Variants in KSR1 observed in about 807,000 individuals in gnomAD.
KSR1 encodes the protein kinase suppressor of ras 1, also known as kinase suppressor of ras.
In KSR1, 35 loss-of-function variants were observed where a neutral mutation model predicts 92.9. The observed-to-expected ratio is 0.38, with a 90% CI of 0.29 to 0.50. KSR1 has a LOEUF of 0.50. Ranked by LOEUF, KSR1 falls within the 20% of genes least tolerant of loss-of-function variation. The pLI, the probability that KSR1 is intolerant of heterozygous loss-of-function variation, is 0.94. For synonymous variants in KSR1, 467 were observed against 472.6 expected, an observed-to-expected ratio of 0.99 and a Z score of 0.15; for missense variants, 972 against 1,158.5, an observed-to-expected ratio of 0.84 and a Z score of 2.34.
chr17:27,553,429 C>T lies in KSR1; in HGVS notation c.372+2721C>T, dbSNP rs543481645. On this transcript the variant is annotated intron_variant, in intron 2 of 20. Transcript: ENST00000644974. ...GCGGGAGTCAGCCCAGAGCTTAGGA[C>T]AGAGAGGGCGGCACACCAGCCTGAC... 1.3e-5 allele frequency among the ~76,000 whole-genome samples: 2 copies of T among 152,200 alleles called. 1 individual carries two copies. The highest frequency in any genetic ancestry group is 2.9e-5 in the Non-Finnish European group (2 of 68,030).
At chr17:27,544,458 G>A (rs182718630) in intron 1 of KSR1, among the ~76,000 whole-genome samples, 4 of 152,172 alleles carry the variant, frequency 2.6e-5, no homozygotes, top group Non-Finnish European at 5.9e-5. Context: ...GAGCTCCTTC[G>A]GCCCCAGATA....
chr17:27,464,369 C>T (rs1365926300), intron 1 of KSR1, among the ~76,000 whole-genome samples: 1 of 152,150 alleles, frequency 6.6e-6, no homozygotes, highest in Non-Finnish European at 1.5e-5. Flanking sequence ...AAGGGCTTCT[C>T]ATCCTTGCAC....
At chr17:27,504,849 A>G (rs994407436) in intron 1 of KSR1, among the ~76,000 whole-genome samples, 1 of 152,210 alleles carries the variant, frequency 6.6e-6, no homozygotes, top group African/African-American at 2.4e-5. Context: ...GAGCCGGCTT[A>G]TCCTGGCCCA....
intron 3 of KSR1, among the ~76,000 whole-genome samples, chr17:27,581,475 A>G (rs1278158311): frequency 6.6e-6 from 1 of 152,058 alleles, no homozygotes; most frequent in Admixed American, 6.5e-5. Context: ...CGTAGTGACC[A>G]GAAGGTGCCG....
At chr17:27,571,247 G>T (rs775742427) in intron 2 of KSR1, among the ~76,000 whole-genome samples, 1 of 152,214 alleles carries the variant, frequency 6.6e-6, no homozygotes, top group Non-Finnish European at 1.5e-5. Context: ...GCTGATTTCT[G>T]TGGAAGCCCC....
chr17:27,571,866 G>T (rs2072322993), intron 2 of KSR1, among the ~76,000 whole-genome samples: 1 of 152,240 alleles, frequency 6.6e-6, no homozygotes. Flanking sequence ...CACAGGGAGT[G>T]TGGCGCCTCT....
intron 1 of KSR1, among the ~76,000 whole-genome samples, chr17:27,533,010 T>C (rs1014008056): frequency 4.6e-5 from 7 of 152,192 alleles, no homozygotes; most frequent in African/African-American, 1.7e-4. Flanking sequence ...AGTCCTTTTT[T>C]ATAAATGAGA....
At chr17:27,485,808 C>A (rs564793094) in intron 1 of KSR1, among the ~76,000 whole-genome samples, 11 of 152,210 alleles carry the variant, frequency 7.2e-5, no homozygotes, top group Admixed American at 7.2e-4. Flanking sequence ...GGCTCTGTAA[C>A]CTTGGATGAG....
At chr17:27,621,377 T>TCTCC (rs2074219065) in intron 20 of KSR1, 104 bp downstream of exon 20, 1 of 396,784 alleles carries the variant, frequency 2.5e-6, no homozygotes, top group Non-Finnish European at 4.4e-6. Flanking sequence ...CATCTTTGTG[T>TCTCC]CATTTATTCT....
Position 27,583,082 on chromosome 17 carries a change from C to T in KSR1, c.957C>T (p.Arg319=). ...CCCATGAGTCTCAGCTGGGGAACCG[C>T]ATTGATGACGTCTCCTCGATGAGGT... ...SKSHESQLGN[R]IDDVSSMRFD... is the part of the protein sequence containing the mutation. The change falls in exon 4 of 21, where the codon CGC becomes CGT. Residue 319 remains arginine (R), a synonymous_variant. Transcript: ENST00000644974. The T allele has an allele frequency of 1.3e-6, 2 of 1,578,666 alleles. No homozygotes were observed.
rs2071750694 is a variant in KSR1 at position 27,559,864 on chromosome 17, G to A, written c.372+9156G>A. Among the ~76,000 whole-genome samples, 3 of 152,234 alleles carry A rather than the reference G, an allele frequency of 2.0e-5. No homozygotes were observed. Among genetic ancestry groups the A allele is most frequent in the African/African-American group, 4.8e-5 (2 of 41,454 alleles). On this transcript the variant is annotated intron_variant, in intron 2 of 20. Transcript: ENST00000644974. This position sits in a 1 kb window ranked among gnomAD's most constrained non-coding sequence, Gnocchi z 4.2. ...TCTGTGAGGAGGCTGGCGGGGAGCC[G>A]GGGTGGATTCCTGCAGCTCTCCCTG...
At chr17:27,561,618 A>G (rs2071832487) in intron 2 of KSR1, among the ~76,000 whole-genome samples, 1 of 152,220 alleles carries the variant, frequency 6.6e-6, no homozygotes, top group South Asian at 2.1e-4. Context: ...CTCAGTGTGT[A>G]TTTAGCACCT....
At chr17:27,556,352 T>C (rs917673669) in intron 2 of KSR1, among the ~76,000 whole-genome samples, 27 of 152,234 alleles carry the variant, frequency 1.8e-4, no homozygotes, top group African/African-American at 6.3e-4. Flanking sequence ...TAGCTGGGAC[T>C]GCAGATGTGC....
Position 27,577,867 on chromosome 17 carries a change from G to A in KSR1, c.520+228G>A, listed in dbSNP as rs2072579701. 1 of 672,768 alleles carries A rather than the reference G, an allele frequency of 1.5e-6. No individual in the cohort carries two copies. Among genetic ancestry groups the A allele is most frequent in the South Asian group, 1.6e-5 (1 of 63,372 alleles). The allele number at this position is 672,768 out of a possible 1,614,324, so 41.7% of individuals were successfully genotyped here. A position where few individuals can be genotyped will look rare whatever the true frequency, so the allele number is the denominator to read the frequency against. On this transcript the variant is annotated intron_variant, in intron 3 of 20. Transcript: ENST00000644974. This position sits in a 1 kb window ranked among gnomAD's most constrained non-coding sequence, Gnocchi z 4.5. ...CCGAATCTGAGGGGTTTCAGCCATG[G>A]TTAGAAATCCCAGGCCTGTCTGCTG...
At position 27,559,636 on chromosome 17, in the gene KSR1, G is replaced by A. The variant is rs901367249; in HGVS notation, c.372+8928G>A. 1.3e-5 allele frequency among the ~76,000 whole-genome samples: 2 copies of A among 152,284 alleles called. No homozygotes were observed. The highest frequency in any genetic ancestry group is 6.5e-5 in the Admixed American group (1 of 15,288). On this transcript the variant is annotated intron_variant, in intron 2 of 20. Transcript: ENST00000644974. This position sits in a 1 kb window ranked among gnomAD's most constrained non-coding sequence, Gnocchi z 4.2. Reference sequence around the variant, plus strand: ...CCTCTGCCCCAGGAGCACACAGACTGGGGTGAAACAGGAAGTGAGAGCCCC... The same window carrying A: ...CCTCTGCCCCAGGAGCACACAGACTAGGGTGAAACAGGAAGTGAGAGCCCC...
At chr17:27,584,526 C>A (rs2072897239) in intron 4 of KSR1, among the ~76,000 whole-genome samples, 1 of 152,212 alleles carries the variant, frequency 6.6e-6, no homozygotes, top group South Asian at 2.1e-4. Context: ...TCAGAGGAGG[C>A]CTCACAGTGG....
Position 27,592,344 on chromosome 17 carries a change from C to T in KSR1, c.1131-17C>T. 2 of 1,612,936 alleles carry T rather than the reference C, an allele frequency of 1.2e-6. No homozygotes were observed. Among genetic ancestry groups the T allele is most frequent in the Non-Finnish European group, 1.7e-6 (2 of 1,178,994 alleles). On this transcript the variant is annotated splice_polypyrimidine_tract_variant and intron_variant, in intron 7 of 20. Coordinates refer to ENST00000644974, the MANE Select transcript of KSR1 (RefSeq NM_001394583.1). ...CCCATGTGGTGCTTTGCACACCAAC[C>T]TCCCCTTCTTTACCAGGTTGAAGTG... is the stretch of plus-strand genomic sequence containing the variant.
intron 1 of KSR1, among the ~76,000 whole-genome samples, chr17:27,479,987 T>C (rs2068464252): frequency 6.6e-6 from 1 of 152,126 alleles, no homozygotes; most frequent in African/African-American, 2.4e-5. Flanking sequence ...AAATAGGAAT[T>C]CTTGGTGACA....
Position 27,624,968 on chromosome 17 carries a change from C to T in KSR1, c.*1576C>T, listed in dbSNP as rs929520866. ...TCAGCCCCTCCTGGGAGGGCACAGC[C>T]GTATTACAGTGCCAGTGTGCCTGGC... On this transcript the variant is annotated 3_prime_UTR_variant, in exon 21 of 21. Coordinates refer to ENST00000644974, the MANE Select transcript of KSR1 (RefSeq NM_001394583.1). 2 of 152,302 alleles carry T rather than the reference C, an allele frequency of 1.3e-5. No individual in the cohort carries two copies. The highest frequency in any genetic ancestry group is 6.5e-5 in the Admixed American group (1 of 15,284). The allele number at this position is 152,302 out of a possible 1,614,324, so 9.4% of individuals were successfully genotyped here. A position where few individuals can be genotyped will look rare whatever the true frequency, so the allele number is the denominator to read the frequency against.
Sources: allele counts gnomAD v4.1 joint callset (sites outside exome capture counted in the v4.1 genomes callset), GRCh38; gene constraint gnomAD v4.1.1; non-coding constraint Gnocchi (gnomAD v3.1); transcripts MANE v1.5; gene names NCBI Gene and HGNC (gene_info 2026-07-23, HGNC 2026-07-21).